PPP2R5E: variants seen among roughly 807,000 people sequenced by gnomAD.
PPP2R5E encodes serine/threonine-protein phosphatase 2A 56 kDa regulatory subunit epsilon isoform.
In PPP2R5E, 4 loss-of-function variants were observed where a neutral mutation model predicts 65.3. That is an observed-to-expected ratio of 0.06 (90% CI 0.03 to 0.14). PPP2R5E has a LOEUF of 0.14. Among genes scored for constraint, PPP2R5E ranks in the 10% least tolerant of loss-of-function variants. The pLI is 1.00. For missense variants in PPP2R5E, 274 were observed against 556.1 expected, an observed-to-expected ratio of 0.49 and a Z score of 5.10; for synonymous variants, 183 against 187.4, an observed-to-expected ratio of 0.98 and a Z score of 0.19.
In PPP2R5E at chr14:63,539,652, C is replaced by A; in HGVS notation, c.34G>T (p.Asp12Tyr). 3 of 1,613,950 alleles carry A rather than the reference C, an allele frequency of 1.9e-6. No individual in the cohort carries two copies. Among genetic ancestry groups the A allele is most frequent in the Non-Finnish European group, 1.7e-6 (2 of 1,179,902 alleles). Residue 12 changes from aspartate (D) to tyrosine (Y), a missense_variant, in exon 2 of 14, where the codon GAT becomes TAT. This residue lies in a region of PPP2R5E where 58 missense variants were observed against 64.8 expected (regional missense o/e 0.90). Transcript: ENST00000337537. The part of the protein sequence containing the change: ...SSAPTTPPSV[D>Y]KVDGFSRKSV... ...TTCCGAGAAAATCCGTCTACTTTAT[C>A]CACTGATGGAGGAGTAGTTGGTGCT...
rs1023379530 is a variant in PPP2R5E, at chr14:63,395,307, G to T, written c.681-22C>A. The T allele has an allele frequency of 5.3e-6, 8 of 1,508,520 alleles. No homozygotes were observed. The African/African-American group carries it at 1.1e-4, about 21-fold the overall frequency. The allele number at this position is 1,508,520 out of a possible 1,614,324, so 93.4% of individuals were successfully genotyped here. A position where few individuals can be genotyped will look rare whatever the true frequency, so the allele number is the denominator to read the frequency against. Reference sequence around the variant, plus strand: ...AAACCTGAGAGAAGAGGAGAAAAGGGAGGAGAAAGGAGGAGAGGAGGAGGA... The same window carrying T: ...AAACCTGAGAGAAGAGGAGAAAAGGTAGGAGAAAGGAGGAGAGGAGGAGGA... On this transcript the variant is annotated intron_variant, in intron 6 of 13. Transcript: ENST00000337537.
Position 63,422,088 on chromosome 14 carries a change from A to T in PPP2R5E, c.361T>A (p.Cys121Ser). 1 of 1,609,906 alleles carries T rather than the reference A, an allele frequency of 6.2e-7. No individual in the cohort carries two copies. Residue 121 changes from cysteine to serine, a missense_variant, in exon 4 of 14, where the codon TGC becomes AGC. Cys to Ser is a moderately radical substitution (Grantham distance 112). Around this residue, in one of 6 missense-constraint regions of PPP2R5E, gnomAD observed 51 missense variants for 101.1 expected, o/e 0.50. Coordinates refer to ENST00000337537, the MANE Select transcript of PPP2R5E (RefSeq NM_006246.5). ...GGAGGGAGAGTTCTGAATATATTGC[A>T]AGATACCTAAAAATAAACAAGCAGC... ...TYPEVVRMVSCNIFRTLPPSD... is the reference protein window; with the variant it reads ...TYPEVVRMVSSNIFRTLPPSD...
At chr14:63,481,687 T>G (rs1890710111) in intron 2 of PPP2R5E, among the ~76,000 whole-genome samples, 1 of 152,190 alleles carries the variant, frequency 6.6e-6, no homozygotes, top group African/African-American at 2.4e-5. Flanking sequence ...ACCTTTATAT[T>G]AGTTTGAATT....
intron 3 of PPP2R5E, among the ~76,000 whole-genome samples, chr14:63,422,618 C>T (rs1438312818): frequency 2.7e-5 from 4 of 149,634 alleles, no homozygotes; most frequent in African/African-American, 7.4e-5. Flanking sequence ...CCCAGCTATG[C>T]GGGAGGCTGA....
At chr14:63,449,507 C>A (rs1238918488) in intron 3 of PPP2R5E, among the ~76,000 whole-genome samples, 1 of 152,134 alleles carries the variant, frequency 6.6e-6, no homozygotes, top group Non-Finnish European at 1.5e-5. Flanking sequence ...GGAAAGTGAC[C>A]AGCACCAGGA....
intron 2 of PPP2R5E, among the ~76,000 whole-genome samples, chr14:63,528,868 C>T (rs912999952): frequency 2.6e-5 from 4 of 151,980 alleles, no homozygotes; most frequent in East Asian, 1.9e-4. Context: ...AGGCACTGTT[C>T]GAAGCCCTAG....
At chr14:63,517,964 C>A (rs983298231) in intron 2 of PPP2R5E, among the ~76,000 whole-genome samples, 2 of 152,256 alleles carry the variant, frequency 1.3e-5, no homozygotes, top group African/African-American at 4.8e-5. Context: ...CTATTCCAAG[C>A]AGTAGTTCAT....
chr14:63,448,440 G>A (rs1341513508), intron 3 of PPP2R5E, among the ~76,000 whole-genome samples: 1 of 152,096 alleles, frequency 6.6e-6, no homozygotes, highest in East Asian at 1.9e-4. Context: ...TATGAAAGGG[G>A]CATATGCTGT....
At chr14:63,464,604 G>A (rs1889682225) in intron 2 of PPP2R5E, among the ~76,000 whole-genome samples, 1 of 152,178 alleles carries the variant, frequency 6.6e-6, no homozygotes. Context: ...TGGGTCTTGT[G>A]AAACACGGTG....
chr14:63,429,592 GATTTA>G (rs2139914577), intron 3 of PPP2R5E, among the ~76,000 whole-genome samples: 2 of 152,092 alleles, frequency 1.3e-5, no homozygotes, highest in Admixed American at 1.3e-4. Context: ...AAACCAAAAT[GATTTA>G]ATCATTTACA....
intron 3 of PPP2R5E, among the ~76,000 whole-genome samples, chr14:63,444,996 T>C (rs779991765): frequency 8.9e-4 from 136 of 152,342 alleles, no homozygotes; most frequent in Non-Finnish European, 1.4e-3. Context: ...TTTCTTAGAC[T>C]GTGTTGATCA....
chr14:63,399,230 C>A (rs974415270), intron 5 of PPP2R5E, among the ~76,000 whole-genome samples: 4 of 152,012 alleles, frequency 2.6e-5, no homozygotes, highest in Non-Finnish European at 5.9e-5. Flanking sequence ...AAACATCATG[C>A]TAAGTAAGTA....
intron 8 of PPP2R5E, 79 bp from the exon 9 acceptor site, chr14:63,392,104 C>A: frequency 9.1e-7 from 1 of 1,100,882 alleles, no homozygotes; most frequent in East Asian, 2.6e-5. Context: ...TTAAAACTTC[C>A]TAAAAGGTTT....
At chr14:63,490,002 CAT>C (rs2139629638) in intron 2 of PPP2R5E, among the ~76,000 whole-genome samples, 1 of 152,198 alleles carries the variant, frequency 6.6e-6, no homozygotes, top group African/African-American at 2.4e-5. Context: ...CAACTATAAA[CAT>C]ATTTTTTTCC....
intron 2 of PPP2R5E, among the ~76,000 whole-genome samples, chr14:63,476,248 C>T (rs1217968000): frequency 6.6e-6 from 1 of 152,006 alleles, no homozygotes; most frequent in East Asian, 1.9e-4. Context: ...CTTTTTCCCC[C>T]CCTTTTGCTT....
At chr14:63,494,603 A>G (rs1207601064) in intron 2 of PPP2R5E, among the ~76,000 whole-genome samples, 1 of 152,090 alleles carries the variant, frequency 6.6e-6, no homozygotes, top group Non-Finnish European at 1.5e-5. Context: ...AGGAAATGAA[A>G]CATTCACAGA....
Position 63,422,030 on chromosome 14 carries a change from T to A in PPP2R5E, c.419A>T (p.Asp140Val). 1 of 1,613,812 alleles carries A rather than the reference T, an allele frequency of 6.2e-7. No individual in the cohort carries two copies. Among genetic ancestry groups the A allele is most frequent in the Non-Finnish European group, 8.5e-7 (1 of 1,179,662 alleles). ...CCACGATGCCTCAAGGGTAGGTTCA[T>A]CTTCTTCTGGATCAAATTCATTGCT... ...SDSNEFDPEEDEPTLEASWPH... is the reference protein window; with the variant it reads ...SDSNEFDPEEVEPTLEASWPH... Residue 140 changes from aspartate (D) to valine (V), a missense_variant, in exon 4 of 14, where the codon GAT becomes GTT. By Grantham distance (152) the Asp-to-Val change is radical (BLOSUM62 -3). Coordinates refer to ENST00000337537, the MANE Select transcript of PPP2R5E (RefSeq NM_006246.5).
At chr14:63,379,031 C>CT (rs72440800) in intron 13 of PPP2R5E, among the ~76,000 whole-genome samples, 195 of 143,124 alleles carry the variant, frequency 1.4e-3, no homozygotes, top group Non-Finnish European at 1.5e-3. Context: ...AACCCATTTT[C>CT]TTTTTTTTTT....
chr14:63,508,450 C>CTA (rs561231090), intron 2 of PPP2R5E, among the ~76,000 whole-genome samples: 13 of 152,292 alleles, frequency 8.5e-5, no homozygotes, highest in Non-Finnish European at 1.6e-4. Flanking sequence ...AATATGCCTT[C>CTA]TATATATATT....
Sources: allele counts gnomAD v4.1 joint callset (sites outside exome capture counted in the v4.1 genomes callset), GRCh38; gene constraint gnomAD v4.1.1; regional missense constraint gnomAD v4.1.1; transcripts MANE v1.5; gene names NCBI Gene and HGNC (gene_info 2026-07-23, HGNC 2026-07-21).